Variants in UNC13C observed in about 807,000 individuals in gnomAD.
UNC13C encodes protein unc-13 homolog C.
UNC13C carries 174 observed loss-of-function variants against 245.4 expected under a neutral mutation model. That is an observed-to-expected ratio of 0.71 (90% confidence interval 0.63 to 0.80). The LOEUF is 0.80. Among genes scored for constraint, UNC13C ranks in the 30% least tolerant of loss-of-function variants. UNC13C has a pLI of 0.00. For synonymous variants in UNC13C, 992 were observed against 895.1 expected, an observed-to-expected ratio of 1.11 and a Z score of -1.93; for missense variants, 2,829 against 2,602.9, an observed-to-expected ratio of 1.09 and a Z score of -1.89.
chr15:54,259,931 GT>G lies in UNC13C; in HGVS notation c.3449-4227del, dbSNP rs747521624. Reference sequence around the variant, plus strand: ...ATTTTATATTCAATTTATTCCTGTGGTTTTTTTTTTCCAGAATTGTGGCCTT... The same window carrying G: ...ATTTTATATTCAATTTATTCCTGTGGTTTTTTTTTCCAGAATTGTGGCCTT... On this transcript the variant is annotated intron_variant, in intron 8 of 32. Transcript: ENST00000260323. Among the ~76,000 whole-genome samples the G allele has an allele frequency of 3.1e-3, 468 of 148,984 alleles. 3 individuals are homozygous for G. Among genetic ancestry groups the G allele is most frequent in the Non-Finnish European group, 4.7e-3 (313 of 66,728 alleles).
chr15:54,334,763 A>G (rs1253262790), intron 16 of UNC13C, among the ~76,000 whole-genome samples: 1 of 152,168 alleles, frequency 6.6e-6, no homozygotes, highest in African/African-American at 2.4e-5. Context: ...AACAATGTGC[A>G]GCTAATGATG....
chr15:54,515,783 C>G (rs1453356921), intron 24 of UNC13C, among the ~76,000 whole-genome samples: 1 of 152,122 alleles, frequency 6.6e-6, no homozygotes, highest in Admixed American at 6.5e-5. Context: ...GTTTGTTCAG[C>G]TAAATTATTT....
chr15:54,317,788 A>G (rs1439984134), intron 13 of UNC13C, among the ~76,000 whole-genome samples: 2 of 151,958 alleles, frequency 1.3e-5, no homozygotes, highest in Non-Finnish European at 2.9e-5. Flanking sequence ...AATACAATAT[A>G]TCATCATTAA....
At chr15:54,325,887 G>T (rs930916410) in intron 14 of UNC13C, among the ~76,000 whole-genome samples, 2 of 151,980 alleles carry the variant, frequency 1.3e-5, no homozygotes, top group Non-Finnish European at 2.9e-5. Flanking sequence ...TTTATTATCT[G>T]CTTGGGTAGG....
In UNC13C at chr15:54,334,457, C is replaced by T. The variant is rs74352269; in HGVS notation, c.4584+601C>T. ...TAAAGCATTTTCAGAAACTACTTGC[C>T]GGGCTGTGGGCTAAAATATACACTC... On this transcript the variant is annotated intron_variant, in intron 16 of 32. Coordinates refer to ENST00000260323, the MANE Select transcript of UNC13C (RefSeq NM_001080534.3). Among the ~76,000 whole-genome samples, 607 of 152,088 alleles carry T rather than the reference C, an allele frequency of 4.0e-3. 26 individuals are homozygous for T. In the East Asian group the frequency reaches 0.084, roughly 21 times the overall value.
At chr15:54,369,403 A>C (rs897535393) in intron 17 of UNC13C, among the ~76,000 whole-genome samples, 1 of 152,178 alleles carries the variant, frequency 6.6e-6, no homozygotes, top group Admixed American at 6.5e-5. Flanking sequence ...TTACAATTAA[A>C]TTGGTAATTG....
chr15:53,973,065 A>C, the UNC13C span, among the ~76,000 whole-genome samples: 3 of 152,160 alleles, frequency 2.0e-5, no homozygotes, highest in Non-Finnish European at 4.4e-5. Flanking sequence ...GGAAAAAAGA[A>C]ATAGACATAT....
chr15:54,450,817 A>C (rs1004369086), intron 19 of UNC13C, among the ~76,000 whole-genome samples: 1 of 152,156 alleles, frequency 6.6e-6, no homozygotes, highest in Admixed American at 6.5e-5. Flanking sequence ...AGATGAACCC[A>C]GTACCTCAGT....
At chr15:53,893,145 C>T in the UNC13C span, among the ~76,000 whole-genome samples, 1 of 152,128 alleles carries the variant, frequency 6.6e-6, no homozygotes, top group African/African-American at 2.4e-5. Context: ...TTCTGAGGTC[C>T]ACTCCAGACC....
At chr15:54,483,049 A>T (rs746554067) in intron 19 of UNC13C, among the ~76,000 whole-genome samples, 32 of 152,348 alleles carry the variant, frequency 2.1e-4, no homozygotes, top group Middle Eastern at 3.4e-3. Context: ...TAAATTTTAC[A>T]GTGAATATTA....
chr15:54,313,512 T>C (rs2037928220), intron 13 of UNC13C, among the ~76,000 whole-genome samples: 1 of 151,872 alleles, frequency 6.6e-6, no homozygotes, highest in African/African-American at 2.4e-5. Context: ...TAACCTCAAG[T>C]ACTAAGAAGA....
chr15:53,849,791 G>A, the UNC13C span, among the ~76,000 whole-genome samples: 1 of 152,070 alleles, frequency 6.6e-6, no homozygotes, highest in East Asian at 1.9e-4. Context: ...CATTACAGGG[G>A]CTCCTAAGAC....
At chr15:54,567,723 C>G in intron 29 of UNC13C, 77 bp from the exon 30 acceptor site, 1 of 1,297,916 alleles carries the variant, frequency 7.7e-7, no homozygotes, top group Non-Finnish European at 1.0e-6. Flanking sequence ...TCCATTTGAG[C>G]TTCTCTATTA....
intron 2 of UNC13C, among the ~76,000 whole-genome samples, chr15:54,128,330 T>G (rs564041483): frequency 6.6e-6 from 1 of 152,350 alleles, no homozygotes; most frequent in African/African-American, 2.4e-5. Context: ...CGAATATTTA[T>G]TTTTATATCC....
the UNC13C span, among the ~76,000 whole-genome samples, chr15:53,910,037 T>A: frequency 6.9e-6 from 1 of 144,862 alleles, no homozygotes; most frequent in East Asian, 2.0e-4. Flanking sequence ...ATGTATTTGT[T>A]CCTGGTGGTA....
In UNC13C at chr15:54,308,217, T is replaced by G. The variant is rs2037776692; in HGVS notation, c.4268+7844T>G. Among the ~76,000 whole-genome samples, 5 of 152,060 alleles carry G rather than the reference T, an allele frequency of 3.3e-5. 1 individual carries two copies. The South Asian group carries it at 1.0e-3, about 31-fold the overall frequency. Reference sequence around the variant, plus strand: ...GTGAGTTAGAGGATTGTTTTATTTTTTTTGTTCAACAATAGCAAGTGACAT... The same window carrying G: ...GTGAGTTAGAGGATTGTTTTATTTTGTTTGTTCAACAATAGCAAGTGACAT... On this transcript the variant is annotated intron_variant, in intron 13 of 32. Transcript: ENST00000260323.
chr15:54,595,755 C>G (rs1462673014), intron 30 of UNC13C, among the ~76,000 whole-genome samples: 1 of 152,148 alleles, frequency 6.6e-6, no homozygotes, highest in Admixed American at 6.5e-5. Flanking sequence ...GAAAGTTTCT[C>G]CAGAAATAAT....
intron 4 of UNC13C, among the ~76,000 whole-genome samples, chr15:54,191,158 G>A (rs762693750): frequency 3.3e-5 from 5 of 152,016 alleles, no homozygotes; most frequent in East Asian, 1.9e-4. Flanking sequence ...CCATCAACCC[G>A]TCATCTACAT....
intron 2 of UNC13C, among the ~76,000 whole-genome samples, chr15:54,068,757 G>C (rs924023591): frequency 3.9e-5 from 6 of 152,164 alleles, no homozygotes; most frequent in African/African-American, 1.4e-4. Flanking sequence ...TAGATTAACT[G>C]TAGTAGTCAG....
Sources: allele counts gnomAD v4.1 joint callset (sites outside exome capture counted in the v4.1 genomes callset), GRCh38; gene constraint gnomAD v4.1.1; transcripts MANE v1.5; gene names NCBI Gene and HGNC (gene_info 2026-07-23, HGNC 2026-07-21).